Variants in TXNRD3 observed in about 807,000 individuals in gnomAD.
TXNRD3 encodes the protein TXNRD3 neighbor gene protein.
TXNRD3 carries 68 observed loss-of-function variants against 78.2 expected under a neutral mutation model. The observed-to-expected ratio is 0.87, with a 90% CI of 0.72 to 1.06. The LOEUF is 1.06. Among genes scored for constraint, TXNRD3 ranks in the 50% least tolerant of loss-of-function variants. TXNRD3 has a pLI of 0.00. For missense variants in TXNRD3, 751 were observed against 809.5 expected (o/e 0.93, Z 0.88); for synonymous variants, 296 against 300.1 (o/e 0.99, Z 0.14).
chr3:126,624,390 A>G (rs1176942453), intron 10 of TXNRD3, among the ~76,000 whole-genome samples: 2 of 152,084 alleles, frequency 1.3e-5, no homozygotes, highest in Non-Finnish European at 1.5e-5. Flanking sequence ...CTATGAGAAG[A>G]GCACAGAAAT....
intron 6 of TXNRD3, among the ~76,000 whole-genome samples, chr3:126,635,412 G>A (rs867466820): frequency 6.6e-6 from 1 of 152,126 alleles, no homozygotes; most frequent in Non-Finnish European, 1.5e-5. Context: ...TGGAGTTTTT[G>A]ATATGCCAAA....
chr3:126,622,560 A>G lies in TXNRD3; in HGVS notation c.1291-20T>C, dbSNP rs1248003959. 8.6e-6 allele frequency: 13 copies of G among 1,518,054 alleles called. No homozygotes were observed. The highest frequency in any genetic ancestry group is 1.1e-5 in the Non-Finnish European group (13 of 1,133,612). 94.0% of individuals were successfully genotyped at this position (1,518,054 alleles called of 1,614,324 possible). Reference sequence around the variant, plus strand: ...CAAAACCTGCATTTGCAGAGAAATCAAAAACACAAATTATCCATATCGGGA... The same window carrying G: ...CAAAACCTGCATTTGCAGAGAAATCGAAAACACAAATTATCCATATCGGGA... On this transcript the variant is annotated intron_variant, in intron 10 of 15. Coordinates refer to ENST00000524230, the MANE Select transcript of TXNRD3 (RefSeq NM_052883.3).
intron 14 of TXNRD3, 79 bp from the exon 15 acceptor site, chr3:126,608,712 G>C: frequency 1.4e-6 from 2 of 1,408,152 alleles, no homozygotes; most frequent in Admixed American, 2.8e-5. Context: ...CAAATTCACA[G>C]TTAAAATATA....
intron 7 of TXNRD3, among the ~76,000 whole-genome samples, 183 bp downstream of exon 7, chr3:126,633,726 T>C (rs1041629560): frequency 6.6e-6 from 1 of 152,202 alleles, no homozygotes; most frequent in African/African-American, 2.4e-5. Flanking sequence ...TTTCTTCAAG[T>C]TAACCAAACA....
chr3:126,637,597 A>G (rs1164809163), intron 6 of TXNRD3, among the ~76,000 whole-genome samples: 1 of 152,138 alleles, frequency 6.6e-6, no homozygotes, highest in African/African-American at 2.4e-5. Flanking sequence ...TAAAATTTCC[A>G]TATTTTCAAC....
At chr3:126,629,514 A>G in intron 9 of TXNRD3, 43 bp from the exon 10 acceptor site, 1 of 1,445,992 alleles carries the variant, frequency 6.9e-7, no homozygotes, top group Non-Finnish European at 9.4e-7. Flanking sequence ...TAAATATGAT[A>G]AAAAAGAAAT....
At chr3:126,643,676 C>T (rs1328096621) in intron 5 of TXNRD3, among the ~76,000 whole-genome samples, 2 of 152,044 alleles carry the variant, frequency 1.3e-5, no homozygotes, top group African/African-American at 4.8e-5. Context: ...TCCAACATCA[C>T]TGCTTGTTAA....
intron 6 of TXNRD3, among the ~76,000 whole-genome samples, chr3:126,638,658 C>A (rs189438021): frequency 6.6e-6 from 1 of 152,020 alleles, no homozygotes; most frequent in Non-Finnish European, 1.5e-5. Flanking sequence ...CGCTTGAACA[C>A]GGGAGATGGA....
chr3:126,645,965 T>C (rs960736813), intron 3 of TXNRD3, 146 bp downstream of exon 3: 2 of 593,572 alleles, frequency 3.4e-6, no homozygotes, highest in African/African-American at 3.9e-5. Context: ...CTTAAAGCAA[T>C]CAGTATTATC....
intron 10 of TXNRD3, among the ~76,000 whole-genome samples, chr3:126,627,766 G>T (rs1043566089): frequency 1.3e-5 from 2 of 152,140 alleles, no homozygotes; most frequent in Admixed American, 6.5e-5. Context: ...ATAGACAGTT[G>T]CATCAGTAAA....
intron 12 of TXNRD3, among the ~76,000 whole-genome samples, chr3:126,616,633 C>G (rs1276336477): frequency 6.6e-6 from 1 of 152,178 alleles, no homozygotes; most frequent in Non-Finnish European, 1.5e-5. Context: ...CCTCCAAATG[C>G]AGGCAGGCCC....
intron 12 of TXNRD3, 45 bp from the exon 13 acceptor site, chr3:126,615,507 T>G: frequency 9.4e-7 from 1 of 1,069,086 alleles, no homozygotes; most frequent in Non-Finnish European, 1.3e-6. Context: ...TGAAACTTTA[T>G]AGCAAAAATC....
intron 6 of TXNRD3, 43 bp downstream of exon 6, chr3:126,641,989 T>C: frequency 6.8e-7 from 1 of 1,474,868 alleles, no homozygotes; most frequent in South Asian, 1.3e-5. Flanking sequence ...AAAAACTCAT[T>C]TTTTCTTTTC....
intron 1 of TXNRD3, among the ~76,000 whole-genome samples, chr3:126,650,913 T>C (rs1196139139): frequency 6.6e-6 from 1 of 152,192 alleles, no homozygotes; most frequent in African/African-American, 2.4e-5. Flanking sequence ...CTCTTGTTTT[T>C]CTTACGCACT....
At chr3:126,645,528 A>G (rs932312903) in intron 3 of TXNRD3, among the ~76,000 whole-genome samples, 3 of 152,242 alleles carry the variant, frequency 2.0e-5, no homozygotes, top group Non-Finnish European at 4.4e-5. Context: ...TAAAGTCTCA[A>G]ATACAACTAT....
chr3:126,640,556 A>G (rs1933049878), intron 6 of TXNRD3, among the ~76,000 whole-genome samples: 1 of 152,118 alleles, frequency 6.6e-6, no homozygotes, highest in Non-Finnish European at 1.5e-5. Flanking sequence ...AGGATCATCT[A>G]TGATGCTTTA....
Position 126,642,226 on chromosome 3 carries a change from CAT to C in TXNRD3, c.593-77_593-76del, listed in dbSNP as rs910375048. ...CATCTGCAATCATATTATATTAAAA[CAT>C]GTGGAAATGACAAGCTCAATGGTGG... On this transcript the variant is annotated intron_variant, in intron 5 of 15. Transcript: ENST00000524230. The C allele has an allele frequency of 1.7e-5, 25 of 1,437,382 alleles. No individual in the cohort carries two copies. The African/African-American group carries it at 2.7e-4, about 16-fold the overall frequency. 89.0% of individuals were successfully genotyped at this position (1,437,382 alleles called of 1,614,324 possible). A position where few individuals can be genotyped will look rare whatever the true frequency, so the allele number is the denominator to read the frequency against.
intron 10 of TXNRD3, among the ~76,000 whole-genome samples, chr3:126,627,559 A>G (rs1415459680): frequency 6.6e-6 from 1 of 152,238 alleles, no homozygotes; most frequent in Non-Finnish European, 1.5e-5. Flanking sequence ...ACCTCATTAC[A>G]AAAATAATTT....
chr3:126,608,653 C>T lies in TXNRD3; in HGVS notation c.1729-20G>A. 6.5e-7 allele frequency: 1 copy of T among 1,528,774 alleles called. No homozygotes were observed. Among genetic ancestry groups the T allele is most frequent in the Non-Finnish European group, 8.7e-7 (1 of 1,143,698 alleles). 94.7% of individuals were successfully genotyped at this position (1,528,774 alleles called of 1,614,324 possible). ...CCGATCCTTTAATACAGAAACAAAA[C>T]AAAGAGAATCCCAGTAGGTTAATGG... On this transcript the variant is annotated intron_variant, in intron 14 of 15. Coordinates refer to ENST00000524230, the MANE Select transcript of TXNRD3 (RefSeq NM_052883.3).
Sources: allele counts gnomAD v4.1 joint callset (sites outside exome capture counted in the v4.1 genomes callset), GRCh38; gene constraint gnomAD v4.1.1; transcripts MANE v1.5; gene names NCBI Gene and HGNC (gene_info 2026-07-23, HGNC 2026-07-21).